Variants in MITF observed in about 807,000 individuals in gnomAD.
MITF encodes the protein microphthalmia-associated transcription factor.
A neutral mutation model predicts 60.5 loss-of-function variants in MITF; 17 were observed. That is an observed-to-expected ratio of 0.28 (90% CI 0.19 to 0.42). The LOEUF (loss-of-function observed/expected upper bound fraction) is 0.42, where lower values mean the gene tolerates loss of function less well. Among genes scored for constraint, MITF ranks in the 10% least tolerant of loss-of-function variants. The pLI, the probability that MITF is intolerant of heterozygous loss-of-function variation, is 1.00. For synonymous variants in MITF, 260 were observed against 248.5 expected, an observed-to-expected ratio of 1.05 and a Z score of -0.43; for missense variants, 622 against 683.5, an observed-to-expected ratio of 0.91 and a Z score of 1.00.
chr3:69,964,893 C>A lies in MITF; in HGVS notation c.1226C>A (p.Ser409Tyr). ...GCTCATGGACTTTCCCTTATTCCAT[C>A]CACGGGTCTCTGCTCTCCAGATTTG... ...ARAHGLSLIP[S>Y]TGLCSPDLVN... Residue 409 changes from serine to tyrosine, a missense_variant, in exon 10 of 10, where the codon TCC becomes TAC. Coordinates refer to ENST00000352241, the MANE Select transcript of MITF (RefSeq NM_001354604.2). 6.2e-7 allele frequency: 1 copy of A among 1,614,114 alleles called. No individual in the cohort carries two copies. Among genetic ancestry groups the A allele is most frequent in the East Asian group, 2.2e-5 (1 of 44,868 alleles).
chr3:69,769,039 G>T (rs1340770095), intron 1 of MITF, among the ~76,000 whole-genome samples: 1 of 152,180 alleles, frequency 6.6e-6, no homozygotes, highest in Non-Finnish European at 1.5e-5. Context: ...GGCTGTGTGA[G>T]TTTGGGCAAA....
chr3:69,882,773 C>T (rs768370023), intron 2 of MITF, among the ~76,000 whole-genome samples: 22 of 152,172 alleles, frequency 1.4e-4, no homozygotes, highest in Non-Finnish European at 2.5e-4. Context: ...TTTATGTAGT[C>T]ACCAAGCATC....
intron 1 of MITF, among the ~76,000 whole-genome samples, chr3:69,857,402 C>T (rs1420501035): frequency 6.6e-6 from 1 of 151,912 alleles, no homozygotes; most frequent in African/African-American, 2.4e-5. Flanking sequence ...TAATAATAAA[C>T]ATGGGGTATG....
intron 1 of MITF, among the ~76,000 whole-genome samples, chr3:69,808,123 TAATATAAA>T (rs200979554): frequency 0.024 from 3,531 of 148,080 alleles, 138 homozygotes; most frequent in African/African-American, 0.081. Context: ...GTATAATATA[TAATATAAA>T]AATATATAAA....
intron 1 of MITF, among the ~76,000 whole-genome samples, chr3:69,756,722 A>T (rs113476391): frequency 2.6e-5 from 4 of 152,250 alleles, no homozygotes; most frequent in African/African-American, 9.6e-5. Context: ...TGTCATCCAC[A>T]ATGGTTGAAC....
intron 1 of MITF, among the ~76,000 whole-genome samples, chr3:69,872,028 A>G (rs1055727416): frequency 6.6e-6 from 1 of 152,202 alleles, no homozygotes; most frequent in African/African-American, 2.4e-5. Flanking sequence ...ATTCTAGAGT[A>G]CAGTCTAGTG....
intron 1 of MITF, among the ~76,000 whole-genome samples, chr3:69,831,542 A>G (rs1348237466): frequency 6.6e-6 from 1 of 152,114 alleles, no homozygotes; most frequent in East Asian, 1.9e-4. Context: ...CTCAAGACAT[A>G]TTTCTATATA....
chr3:69,967,051 G>C lies in MITF; in HGVS notation c.*1803G>C, dbSNP rs2066706122. On this transcript the variant is annotated 3_prime_UTR_variant, in exon 10 of 10. Coordinates refer to ENST00000352241, the MANE Select transcript of MITF (RefSeq NM_001354604.2). ...TTCATCAGGAAACCTTATTCAGGAG[G>C]GTTTTTAAAAAGTGTTTAAATGTCA... 1 of 232,016 alleles carries C rather than the reference G, an allele frequency of 4.3e-6. No individual in the cohort carries two copies. Among genetic ancestry groups the C allele is most frequent in the Non-Finnish European group, 8.5e-6 (1 of 117,176 alleles). 14.4% of individuals were successfully genotyped at this position (232,016 alleles called of 1,614,324 possible).
intron 2 of MITF, among the ~76,000 whole-genome samples, chr3:69,932,286 A>G (rs978007268): frequency 1.3e-5 from 2 of 152,244 alleles, no homozygotes; most frequent in African/African-American, 4.8e-5. Flanking sequence ...CAACATGTCA[A>G]CTAATGGGTG....
intron 5 of MITF, among the ~76,000 whole-genome samples, chr3:69,941,923 T>C (rs1419427859): frequency 6.6e-6 from 1 of 152,212 alleles, no homozygotes; most frequent in Non-Finnish European, 1.5e-5. Context: ...CAAAGTCTTA[T>C]TGCACATCTT....
intron 2 of MITF, among the ~76,000 whole-genome samples, chr3:69,899,983 G>A (rs1015234075): frequency 7.9e-5 from 12 of 152,102 alleles, no homozygotes; most frequent in Admixed American, 5.2e-4. Context: ...CTCCACTTAT[G>A]CACCATTCTG....
chr3:69,751,795 A>G (rs1295894952), intron 1 of MITF, among the ~76,000 whole-genome samples: 1 of 152,084 alleles, frequency 6.6e-6, no homozygotes, highest in Non-Finnish European at 1.5e-5. Context: ...TCTCTACCAT[A>G]TCTCATGTCA....
intron 2 of MITF, among the ~76,000 whole-genome samples, chr3:69,903,314 G>C (rs1256265750): frequency 6.6e-6 from 1 of 152,138 alleles, no homozygotes; most frequent in Non-Finnish European, 1.5e-5. Flanking sequence ...ATTTCAGATG[G>C]TAAGCACAGC....
chr3:69,819,745 T>G (rs1260238148), intron 1 of MITF, among the ~76,000 whole-genome samples: 1 of 152,046 alleles, frequency 6.6e-6, no homozygotes, highest in East Asian at 1.9e-4. Context: ...GTGGATCACT[T>G]GAGGTCAGGA....
chr3:69,929,724 TG>T (rs1177886003), intron 2 of MITF, among the ~76,000 whole-genome samples: 2 of 152,140 alleles, frequency 1.3e-5, no homozygotes, highest in Non-Finnish European at 2.9e-5. Flanking sequence ...CCCTATTCAT[TG>T]TATTGAAAAT....
At chr3:69,940,305 T>C (rs1413395316) in intron 4 of MITF, among the ~76,000 whole-genome samples, 1 of 152,162 alleles carries the variant, frequency 6.6e-6, no homozygotes, top group East Asian at 1.9e-4. Flanking sequence ...GCATCCCTGT[T>C]AGTTCTGTGA....
chr3:69,887,307 C>T (rs973454453), intron 2 of MITF, among the ~76,000 whole-genome samples: 14 of 152,126 alleles, frequency 9.2e-5, no homozygotes, highest in Non-Finnish European at 1.8e-4. Flanking sequence ...AGATTGTGAA[C>T]ATGTGTAAGC....
chr3:69,759,089 G>A (rs2062173287), intron 1 of MITF, among the ~76,000 whole-genome samples: 3 of 152,146 alleles, frequency 2.0e-5, no homozygotes, highest in Non-Finnish European at 2.9e-5. Flanking sequence ...TACCGAATTA[G>A]CAAATACTGA....
chr3:69,780,607 G>C (rs1163873385), intron 1 of MITF, among the ~76,000 whole-genome samples: 1 of 152,182 alleles, frequency 6.6e-6, no homozygotes, highest in Non-Finnish European at 1.5e-5. Flanking sequence ...TGGATTTGGA[G>C]ACATCTTGAA....
Sources: gnomAD v4.1 joint callset for allele counts (sites outside exome capture counted in the v4.1 genomes callset) on GRCh38, gnomAD v4.1.1 for gene constraint, MANE v1.5 for transcripts, NCBI Gene and HGNC (gene_info 2026-07-23, HGNC 2026-07-21) for gene names.